UPF2: variants seen among roughly 807,000 people sequenced by gnomAD.
UPF2 encodes the protein regulator of nonsense transcripts 2.
Under a neutral mutation model 141.4 loss-of-function variants are expected in UPF2, and 17 were observed. The observed-to-expected ratio is 0.12, with a 90% CI of 0.08 to 0.18. The LOEUF is 0.18. Among genes scored for constraint, UPF2 ranks in the 10% least tolerant of loss-of-function variants. The probability of loss-of-function intolerance (pLI) is 1.00; values close to 1 mark genes in which losing one functional copy is unlikely to be tolerated. For synonymous variants in UPF2, 540 were observed against 498.0 expected (o/e 1.08, Z -1.12); for missense variants, 1,152 against 1,515.9 (o/e 0.76, Z 3.99).
chr10:11,942,114 C>T (rs1169811757), intron 18 of UPF2, among the ~76,000 whole-genome samples: 1 of 152,166 alleles, frequency 6.6e-6, no homozygotes, highest in Non-Finnish European at 1.5e-5. Context: ...GTGGCTCACG[C>T]TGTAATCCCA....
rs1405066090 is a variant in UPF2, at chr10:12,016,450, C to T, written c.1146-2266G>A. Among the ~76,000 whole-genome samples the T allele has an allele frequency of 6.6e-6, 1 of 151,900 alleles. No individual in the cohort carries two copies. Among genetic ancestry groups the T allele is most frequent in the Non-Finnish European group, 1.5e-5 (1 of 67,976 alleles). On this transcript the variant is annotated intron_variant, in intron 3 of 21. Coordinates refer to ENST00000357604, the MANE Select transcript of UPF2 (RefSeq NM_015542.4). This position sits in a 1 kb window ranked among gnomAD's most constrained non-coding sequence, Gnocchi z 4.1. ...GTGGCTCACGCCTGTAATCCCAGAA[C>T]TTTGGAAGGCCGAGGTGGGAGGATC... is the stretch of plus-strand genomic sequence containing the variant.
In UPF2 at chr10:12,037,584, T is replaced by C. The variant is rs1424042239; in HGVS notation, c.-18-2143A>G. ...CTAATTTTTGTATTTTTAGTAAAGA[T>C]GGGTTTCACCATATTGGCCAGGCTG... On this transcript the variant is annotated intron_variant, in intron 1 of 21. Coordinates refer to ENST00000357604, the MANE Select transcript of UPF2 (RefSeq NM_015542.4). Among the ~76,000 whole-genome samples, 6 of 151,438 alleles carry C rather than the reference T, an allele frequency of 4.0e-5. No homozygotes were observed. The East Asian group carries it at 1.2e-3, about 29-fold the overall frequency.
intron 5 of UPF2, among the ~76,000 whole-genome samples, chr10:12,002,303 C>A (rs118125174): frequency 6.6e-6 from 1 of 152,032 alleles, no homozygotes; most frequent in African/African-American, 2.4e-5. Flanking sequence ...TCATTGAGAA[C>A]GAAGGCTATA....
intron 9 of UPF2, among the ~76,000 whole-genome samples, chr10:11,975,241 A>G (rs1339906647): frequency 1.3e-5 from 2 of 152,190 alleles, no homozygotes; most frequent in Non-Finnish European, 2.9e-5. Flanking sequence ...ACCTTGGGTG[A>G]CAGAGTAAGA....
At chr10:12,030,787 GGCA>G (rs1165735304) in intron 2 of UPF2, among the ~76,000 whole-genome samples, 1 of 151,762 alleles carries the variant, frequency 6.6e-6, no homozygotes, top group Admixed American at 6.6e-5. Context: ...AGGAGGCTGA[GGCA>G]GCAGAATTGC....
intron 8 of UPF2, among the ~76,000 whole-genome samples, chr10:11,985,853 G>A (rs1833680962): frequency 7.0e-6 from 1 of 142,544 alleles, no homozygotes; most frequent in South Asian, 2.2e-4. Flanking sequence ...TTTGAGTGTT[G>A]AAAAGCAACT....
chr10:11,934,835 G>A (rs995004076), intron 19 of UPF2, among the ~76,000 whole-genome samples: 12 of 152,108 alleles, frequency 7.9e-5, no homozygotes, highest in South Asian at 4.1e-4. Context: ...TGATCCGCCC[G>A]CCTTGGCCTC....
Position 11,921,181 on chromosome 10 carries a change from C to T in UPF2, c.*117G>A, listed in dbSNP as rs1832638532. ...CCCCAGCCTGTCCCAGGTTTAGATT[C>T]GCAACTCTCTAGACCGACCTGCTGA... On this transcript the variant is annotated 3_prime_UTR_variant, in exon 22 of 22. Coordinates refer to ENST00000357604, the MANE Select transcript of UPF2 (RefSeq NM_015542.4). This position sits in a 1 kb window ranked among gnomAD's most constrained non-coding sequence, Gnocchi z 5.9. The T allele has an allele frequency of 4.9e-6, 7 of 1,424,820 alleles. No individual in the cohort carries two copies. The highest frequency in any genetic ancestry group is 2.3e-5 in the South Asian group (2 of 87,000). The allele number at this position is 1,424,820 out of a possible 1,614,324, so 88.3% of individuals were successfully genotyped here.
chr10:11,955,977 A>G (rs1290529213), intron 13 of UPF2, among the ~76,000 whole-genome samples: 2 of 152,100 alleles, frequency 1.3e-5, no homozygotes, highest in Non-Finnish European at 2.9e-5. Context: ...CCCCGTCTCT[A>G]CTAAAAATAC....
At chr10:11,999,137 T>A (rs1321068211) in intron 7 of UPF2, among the ~76,000 whole-genome samples, 1 of 152,128 alleles carries the variant, frequency 6.6e-6, no homozygotes, top group African/African-American at 2.4e-5. Context: ...TAGTATAATT[T>A]GGTACCACTA....
chr10:11,970,179 T>C (rs1173029458), intron 9 of UPF2, among the ~76,000 whole-genome samples: 1 of 152,162 alleles, frequency 6.6e-6, no homozygotes, highest in South Asian at 2.1e-4. Context: ...ATGATGGTAG[T>C]GACTACACTT....
At chr10:12,006,450 G>A (rs867180919) in intron 4 of UPF2, among the ~76,000 whole-genome samples, 15 of 151,998 alleles carry the variant, frequency 9.9e-5, no homozygotes, top group East Asian at 5.8e-4. Flanking sequence ...AAAATTAACC[G>A]TAAGTTAGAT....
At chr10:11,990,060 C>A (rs1160579453) in intron 8 of UPF2, among the ~76,000 whole-genome samples, 1 of 152,062 alleles carries the variant, frequency 6.6e-6, no homozygotes, top group Non-Finnish European at 1.5e-5. Flanking sequence ...TGTAAGAAAA[C>A]ATGAACTTCG....
chr10:11,985,634 A>C (rs987221002), intron 8 of UPF2, among the ~76,000 whole-genome samples: 12 of 149,778 alleles, frequency 8.0e-5, no homozygotes, highest in African/African-American at 2.7e-4. Flanking sequence ...AAAAAAAAAA[A>C]AACAAACAAA....
rs549823537 is a variant in UPF2, at chr10:11,943,233, T to C, written c.3175-65A>G. The C allele has an allele frequency of 5.5e-5, 71 of 1,288,794 alleles. 2 individuals are homozygous for C. In the Middle Eastern group the frequency reaches 2.4e-3, roughly 44 times the overall value. 79.8% of individuals were successfully genotyped at this position (1,288,794 alleles called of 1,614,324 possible). A position where few individuals can be genotyped will look rare whatever the true frequency, so the allele number is the denominator to read the frequency against. On this transcript the variant is annotated intron_variant, in intron 16 of 21. Coordinates refer to ENST00000357604, the MANE Select transcript of UPF2 (RefSeq NM_015542.4). Reference sequence around the variant, plus strand: ...AAGTGTAACCATATTTTACATGCCTTAAAAAGATTTCAAAACTTCTGTATA... The same window carrying C: ...AAGTGTAACCATATTTTACATGCCTCAAAAAGATTTCAAAACTTCTGTATA...
rs1034507258 is a variant in UPF2, at chr10:11,939,343, TAAAAC to T, written c.3379-2636_3379-2632del. Among the ~76,000 whole-genome samples the T allele has an allele frequency of 6.6e-5, 10 of 152,168 alleles. No individual in the cohort carries two copies. Among genetic ancestry groups the T allele is most frequent in the African/African-American group, 2.4e-4 (10 of 41,438 alleles). Reference sequence around the variant, plus strand: ...TTTGCAATTAATTCTGCTGTGGAAATAAAACAGAACGTCAACTTTATTTTTGTTTA... The same window carrying T: ...TTTGCAATTAATTCTGCTGTGGAAATAGAACGTCAACTTTATTTTTGTTTA... On this transcript the variant is annotated intron_variant, in intron 18 of 21. Transcript: ENST00000357604. The surrounding 1 kb of genome is among the most constrained non-coding windows in gnomAD (Gnocchi z 4.8).
chr10:11,952,362 T>C lies in UPF2; in HGVS notation c.2851-113A>G, dbSNP rs188546986. 5.1e-5 allele frequency: 46 copies of C among 908,362 alleles called. No individual in the cohort carries two copies. The Admixed American group carries it at 1.4e-3, about 28-fold the overall frequency. The allele number at this position is 908,362 out of a possible 1,614,324, so 56.3% of individuals were successfully genotyped here. Reference sequence around the variant, plus strand: ...TTATAACTACTAAGCTGAAAGGTTATAAAAGACACTTACCATTTCTATTAA... The same window carrying C: ...TTATAACTACTAAGCTGAAAGGTTACAAAAGACACTTACCATTTCTATTAA... On this transcript the variant is annotated intron_variant, in intron 14 of 21. Coordinates refer to ENST00000357604, the MANE Select transcript of UPF2 (RefSeq NM_015542.4).
chr10:12,019,241 T>C lies in UPF2; in HGVS notation c.1146-5057A>G, dbSNP rs914498238. 6.6e-6 allele frequency among the ~76,000 whole-genome samples: 1 copy of C among 152,182 alleles called. No homozygotes were observed. The highest frequency in any genetic ancestry group is 2.1e-4 in the South Asian group (1 of 4,834). On this transcript the variant is annotated intron_variant, in intron 3 of 21. Transcript: ENST00000357604. This position sits in a 1 kb window ranked among gnomAD's most constrained non-coding sequence, Gnocchi z 4.5. ...TTGGTCTTTGCTGAAACTACTCAAC[T>C]CTGCTAACATAACACAAAAGCTGCC...
At chr10:11,924,576 T>TG (rs1464477586) in intron 21 of UPF2, among the ~76,000 whole-genome samples, 1 of 42,060 alleles carries the variant, frequency 2.4e-5, no homozygotes, top group Non-Finnish European at 6.9e-5. Flanking sequence ...ACATGTCGTC[T>TG]CAAAAAAAAA....
Sources: gnomAD v4.1 joint callset for allele counts (sites outside exome capture counted in the v4.1 genomes callset) on GRCh38, gnomAD v4.1.1 for gene constraint, Gnocchi (gnomAD v3.1) non-coding constraint, MANE v1.5 for transcripts, NCBI Gene and HGNC (gene_info 2026-07-23, HGNC 2026-07-21) for gene names.